Variants in TTC7A observed in about 807,000 individuals in gnomAD.
The protein encoded by TTC7A is tetratricopeptide repeat domain 7A.
Under a neutral mutation model 103.7 loss-of-function variants are expected in TTC7A, and 110 were observed. The ratio of observed to expected loss-of-function variants is 1.06; its 90% CI spans 0.91 to 1.24. The LOEUF is 1.24. TTC7A is among the 50% of genes most tolerant of loss of function. The pLI is 0.00. For synonymous variants in TTC7A, 521 were observed against 467.9 expected (o/e 1.11, Z -1.47); for missense variants, 1,340 against 1,116.3 (o/e 1.20, Z -2.86).
At chr2:47,055,306 T>C (rs1683224805) in intron 18 of TTC7A, among the ~76,000 whole-genome samples, 1 of 152,198 alleles carries the variant, frequency 6.6e-6, no homozygotes, top group South Asian at 2.1e-4. Context: ...GTGAATTCAC[T>C]CTTTGGTTGA....
chr2:46,933,998 G>A (rs1169807222), intron 2 of TTC7A, among the ~76,000 whole-genome samples: 1 of 152,134 alleles, frequency 6.6e-6, no homozygotes, highest in Non-Finnish European at 1.5e-5. Flanking sequence ...AGCACTTGGT[G>A]ACCTCCAGCC....
intron 19 of TTC7A, among the ~76,000 whole-genome samples, chr2:47,068,997 A>G (rs1684431631): frequency 6.6e-6 from 1 of 151,236 alleles, no homozygotes; most frequent in African/African-American, 2.4e-5. Flanking sequence ...CCTCCTGCCC[A>G]GAGAGGGGAC....
chr2:46,994,317 G>T, intron 6 of TTC7A, 40 bp from the exon 7 acceptor site: 2 of 1,592,490 alleles, frequency 1.3e-6, no homozygotes, highest in Admixed American at 1.7e-5. Context: ...GGGTAGAGCT[G>T]ACAACTGTGC....
chr2:46,973,459 C>G (rs779807982), intron 3 of TTC7A, among the ~76,000 whole-genome samples: 19 of 152,160 alleles, frequency 1.2e-4, no homozygotes, highest in South Asian at 6.2e-4. Context: ...GCCTCAGTGC[C>G]GAGTGCGGCG....
intron 8 of TTC7A, among the ~76,000 whole-genome samples, chr2:46,995,479 A>T (rs1050646700): frequency 2.6e-5 from 4 of 152,224 alleles, no homozygotes; most frequent in African/African-American, 7.2e-5. Context: ...GATTAAAAAG[A>T]TGATCATCAA....
chr2:47,072,666 C>T (rs1684860133), intron 19 of TTC7A, among the ~76,000 whole-genome samples: 1 of 152,230 alleles, frequency 6.6e-6, no homozygotes, highest in African/African-American at 2.4e-5. Context: ...CCCGCCTGTC[C>T]AGGAAGTCGG....
At chr2:47,027,811 G>A (rs542631239) in intron 14 of TTC7A, among the ~76,000 whole-genome samples, 13 of 152,210 alleles carry the variant, frequency 8.5e-5, no homozygotes, top group Non-Finnish European at 1.6e-4. Context: ...GGGGCAGCGG[G>A]CCACCTCACA....
intron 11 of TTC7A, among the ~76,000 whole-genome samples, chr2:47,021,191 G>A (rs1434146856): frequency 6.6e-6 from 1 of 152,196 alleles, no homozygotes; most frequent in Non-Finnish European, 1.5e-5. Flanking sequence ...GCCTTTCTTG[G>A]AGGCATGTGT....
intron 5 of TTC7A, among the ~76,000 whole-genome samples, chr2:46,980,369 A>G (rs377430792): frequency 1.3e-5 from 2 of 151,912 alleles, no homozygotes; most frequent in African/African-American, 4.8e-5. Flanking sequence ...ACAGGCATGC[A>G]CCATCACACC....
intron 2 of TTC7A, among the ~76,000 whole-genome samples, chr2:46,922,535 A>T (rs1027319397): frequency 3.6e-5 from 5 of 139,898 alleles, no homozygotes; most frequent in African/African-American, 6.2e-5. Context: ...CTCAGGGAAA[A>T]TTTTTTTTTC....
At chr2:47,037,618 T>A (rs1681253575) in intron 15 of TTC7A, among the ~76,000 whole-genome samples, 1 of 152,190 alleles carries the variant, frequency 6.6e-6, no homozygotes, top group Admixed American at 6.5e-5. Flanking sequence ...ATACTTGAAC[T>A]CCAAGAGCTT....
rs1670449823 is a variant in TTC7A, at chr2:46,941,958, A to G, written c.184+233A>G. The G allele has an allele frequency of 1.7e-6, 1 of 599,328 alleles. No homozygotes were observed. The highest frequency in any genetic ancestry group is 3.0e-6 in the Non-Finnish European group (1 of 337,574). 37.1% of individuals were successfully genotyped at this position (599,328 alleles called of 1,614,324 possible). On this transcript the variant is annotated intron_variant, in intron 1 of 19. Transcript: ENST00000319190. This position sits in a 1 kb window ranked among gnomAD's most constrained non-coding sequence, Gnocchi z 4.2. ...CGGCTTTTGCTCTGTGTCCTTTAGG[A>G]TAATGTGGCTAACTCTGTCTACCGT...
At chr2:46,977,528 C>T (rs1221702356) in intron 4 of TTC7A, among the ~76,000 whole-genome samples, 3 of 152,192 alleles carry the variant, frequency 2.0e-5, no homozygotes, top group African/African-American at 7.2e-5. Context: ...TCAGCTTTTC[C>T]TGGAACCAGA....
intron 8 of TTC7A, among the ~76,000 whole-genome samples, chr2:46,996,339 G>GT (rs1676179814): frequency 6.6e-6 from 1 of 151,884 alleles, no homozygotes; most frequent in Admixed American, 6.6e-5. Flanking sequence ...TGAGAAATAG[G>GT]TTTTTAAAAA....
chr2:46,916,941 G>GT (rs1184646536), intron 1 of TTC7A, among the ~76,000 whole-genome samples: 15 of 150,976 alleles, frequency 9.9e-5, no homozygotes, highest in East Asian at 2.0e-4. Flanking sequence ...CAGGACGGTC[G>GT]TTTTTTTTAA....
At chr2:46,928,904 T>G (rs1669545171) in intron 2 of TTC7A, among the ~76,000 whole-genome samples, 1 of 152,258 alleles carries the variant, frequency 6.6e-6, no homozygotes, top group Non-Finnish European at 1.5e-5. Context: ...TAGTCATGCC[T>G]GCAATCCCAG....
chr2:47,046,402 G>C lies in TTC7A; in HGVS notation c.1890G>C (p.Trp630Cys). The C allele has an allele frequency of 6.2e-7, 1 of 1,614,176 alleles. No homozygotes were observed. Among genetic ancestry groups the C allele is most frequent in the Non-Finnish European group, 8.5e-7 (1 of 1,179,992 alleles). The change falls in exon 16 of 20, where the codon TGG (tryptophan) becomes TGC (cysteine). Residue 630 changes from tryptophan (W) to cysteine (C), a missense_variant. Coordinates refer to ENST00000319190, the MANE Select transcript of TTC7A (RefSeq NM_020458.4). ...CCTGCAGACAAGTGCTGAGGCTGTG[G>C]CAGACCCTGTACAGCTTCTCCCAGC... ...LVTCRQVLRL[W>C]QTLYSFSQLG... is the part of the protein sequence containing the mutation.
chr2:47,020,371 A>G (rs1347089695), intron 11 of TTC7A, among the ~76,000 whole-genome samples: 1 of 152,176 alleles, frequency 6.6e-6, no homozygotes, highest in Non-Finnish European at 1.5e-5. Flanking sequence ...CTTAGCATCT[A>G]TAGCCTTGGG....
At chr2:47,006,913 C>G (rs1677473401) in intron 10 of TTC7A, among the ~76,000 whole-genome samples, 189 bp downstream of exon 10, 2 of 152,132 alleles carry the variant, frequency 1.3e-5, no homozygotes, top group African/African-American at 4.8e-5. Flanking sequence ...CACGTGCGAG[C>G]TGTGAGTGTG....
Sources: allele counts gnomAD v4.1 joint callset (sites outside exome capture counted in the v4.1 genomes callset), GRCh38; gene constraint gnomAD v4.1.1; non-coding constraint Gnocchi (gnomAD v3.1); transcripts MANE v1.5; gene names NCBI Gene and HGNC (gene_info 2026-07-23, HGNC 2026-07-21).